TTN: variants seen among roughly 807,000 people sequenced by gnomAD.
TTN encodes the protein titin.
Under a neutral mutation model 3,223.0 loss-of-function variants are expected in TTN, and 1,525 were observed. The ratio of observed to expected loss-of-function variants is 0.47; its 90% confidence interval spans 0.45 to 0.49. The LOEUF (loss-of-function observed/expected upper bound fraction) is 0.49. TTN is among the 20% of genes least tolerant of loss of function. The probability of loss-of-function intolerance (pLI) is 0.00; values close to 1 mark genes in which losing one functional copy is unlikely to be tolerated. For synonymous variants in TTN, 14,094 were observed against 15,161.0 expected (o/e 0.93, Z 5.17); for missense variants, 40,786 against 43,424.0 (o/e 0.94, Z 5.40).
intron 47 of TTN, chr2:178,746,349 G>C (rs1177656493): frequency 6.2e-7 from 1 of 1,612,346 alleles, no homozygotes; most frequent in South Asian, 1.1e-5. Flanking sequence ...AAATTAAATG[G>C]AAGAACATCT....
At position 178,722,798 on chromosome 2, in the gene TTN, A is replaced by G. The variant is rs1411728289; in HGVS notation, c.22101T>C (p.Pro7367=). ...TGTTTGTAAAGTAGGTCCTGTATTC[A>G]GGAGTTGGCCGTAATTTGGTATCTC... ...YKGDTKLRPT[P]EYRTYFTNNV... The change falls in exon 76 of 363, where the codon CCT becomes CCC. Residue 7367 remains proline (P), a synonymous_variant. Coordinates refer to ENST00000589042, the MANE Select transcript of TTN (RefSeq NM_001267550.2). 1 of 1,613,370 alleles carries G rather than the reference A, an allele frequency of 6.2e-7. No individual in the cohort carries two copies. Among genetic ancestry groups the G allele is most frequent in the Non-Finnish European group, 8.5e-7 (1 of 1,179,564 alleles).
In TTN at chr2:178,611,201, A is replaced by G. The variant is rs746690194; in HGVS notation, c.50928T>C (p.Val16976=). 2.5e-6 allele frequency: 4 copies of G among 1,612,742 alleles called. No homozygotes were observed. Among genetic ancestry groups the G allele is most frequent in the Admixed American group, 3.3e-5 (2 of 59,918 alleles). Residue 16976 remains valine, a synonymous_variant, in exon 270 of 363, where the codon GTT becomes GTC. Transcript: ENST00000589042. ...VIEGEKLSIP[V]PFRAVPVPTV... ...TTGGAACTGGGACAGCTCTGAAGGG[A>G]ACAGGAATGCTTAACTTTTCACCTT...
In TTN at chr2:178,549,475, T is replaced by G; in HGVS notation, c.92153-2A>C. The stretch of plus-strand genomic sequence containing the variant: ...GAATGCCAGGGGCATCAGGAACAGC[T>G]GTAAAACAAAAACAAAACCCCAAAT... On this transcript the variant is annotated splice_acceptor_variant, in intron 338 of 362. Transcript: ENST00000589042. LOFTEE classifies it high-confidence loss of function. 6.3e-7 allele frequency: 1 copy of G among 1,598,640 alleles called. No individual in the cohort carries two copies. Among genetic ancestry groups the G allele is most frequent in the Non-Finnish European group, 8.5e-7 (1 of 1,170,944 alleles).
intron 127 of TTN, among the ~76,000 whole-genome samples, 158 bp downstream of exon 127, chr2:178,687,952 CT>C (rs1268474777): frequency 6.6e-6 from 1 of 152,160 alleles, no homozygotes; most frequent in Non-Finnish European, 1.5e-5. Flanking sequence ...CCTCCTGAAT[CT>C]TGTGTTTTGA....
At position 178,532,577 on chromosome 2, in the gene TTN, T is replaced by C; in HGVS notation, c.104038A>G (p.Arg34680Gly). The change falls in exon 358 of 363, where the codon AGG (arginine) becomes GGG (glycine). Residue 34680 changes from arginine (R) to glycine (G), a missense_variant. By Grantham distance (125) the Arg-to-Gly change is moderately radical. Coordinates refer to ENST00000589042, the MANE Select transcript of TTN (RefSeq NM_001267550.2). ...YLAMKRTEEERLRLEEELELG... is the reference protein window; with the variant it reads ...YLAMKRTEEEGLRLEEELELG... Reference sequence around the variant, plus strand: ...TCAAGCTCTTCTTCAAGACGCAGCCTCTCTTCCTCTGTTCTTTTCATTGCT... The same window carrying C: ...TCAAGCTCTTCTTCAAGACGCAGCCCCTCTTCCTCTGTTCTTTTCATTGCT... The C allele has an allele frequency of 6.2e-7, 1 of 1,613,968 alleles. No individual in the cohort carries two copies. Among genetic ancestry groups the C allele is most frequent in the Non-Finnish European group, 8.5e-7 (1 of 1,179,858 alleles).
Position 178,537,070 on chromosome 2 carries a change from A to G in TTN, c.100039T>C (p.Ser33347Pro), listed in dbSNP as rs1575319690. The G allele has an allele frequency of 1.9e-6, 3 of 1,613,144 alleles. No homozygotes were observed. Among genetic ancestry groups the G allele is most frequent in the Non-Finnish European group, 2.5e-6 (3 of 1,179,526 alleles). Residue 33347 changes from serine to proline, a missense_variant, in exon 356 of 363, where the codon TCA becomes CCA. Ser to Pro is a moderately conservative substitution (Grantham distance 74, BLOSUM62 -1). Transcript: ENST00000589042. Reference sequence around the variant, plus strand: ...TTCACAATTCTACAGGTTGTCACTGAGATGGCTGAAGACACCAATTGCCAT... The same window carrying G: ...TTCACAATTCTACAGGTTGTCACTGGGATGGCTGAAGACACCAATTGCCAT... ...AEWQLVSSAI[S>P]VTTCRIVNLT...
intron 127 of TTN, among the ~76,000 whole-genome samples, chr2:178,687,516 A>C (rs1467718658): frequency 6.6e-6 from 1 of 152,158 alleles, no homozygotes; most frequent in African/African-American, 2.4e-5. Flanking sequence ...TTATGTGTTC[A>C]GGGCTTCAGA....
chr2:178,578,310 T>C, intron 321 of TTN, 125 bp from the exon 322 acceptor site: 5 of 893,862 alleles, frequency 5.6e-6, no homozygotes, highest in Non-Finnish European at 8.2e-6. Context: ...CTAGTATCTA[T>C]ACTTTTATTA....
Position 178,592,773 on chromosome 2 carries a change from AC to A in TTN, c.59344+1del, listed in dbSNP as rs2050510052. The A allele has an allele frequency of 6.2e-7, 1 of 1,613,140 alleles. No homozygotes were observed. The highest frequency in any genetic ancestry group is 8.5e-7 in the Non-Finnish European group (1 of 1,179,572). Reference sequence around the variant, plus strand: ...AAACACAAGTGAGAGCATTTTACTCACCAAGCCTGTCTTTTACTAGGACTGG... The same window carrying A: ...AAACACAAGTGAGAGCATTTTACTCACAAGCCTGTCTTTTACTAGGACTGG... On this transcript the variant is annotated splice_donor_variant, in intron 300 of 362. Transcript: ENST00000589042. LOFTEE classifies it high-confidence loss of function.
Position 178,587,184 on chromosome 2 carries a change from C to G in TTN, c.64027G>C (p.Val21343Leu). Residue 21343 changes from valine (V) to leucine (L), a missense_variant, in exon 307 of 363, where the codon GTC becomes CTC. Transcript: ENST00000589042. ...GNEYYFRVTAVNEYGPGVPTD... is the reference protein window; with the variant it reads ...GNEYYFRVTALNEYGPGVPTD... ...GGGACGCCAGGGCCATATTCGTTGA[C>G]AGCAGTTACTCTGAAGTAATACTCA... 1.2e-6 allele frequency: 2 copies of G among 1,613,268 alleles called. No individual in the cohort carries two copies. The highest frequency in any genetic ancestry group is 8.5e-7 in the Non-Finnish European group (1 of 1,179,462).
At chr2:178,677,356 A>G in intron 146 of TTN, 69 bp from the exon 147 acceptor site, 1 of 492,048 alleles carries the variant, frequency 2.0e-6, no homozygotes, top group East Asian at 6.6e-5. Context: ...ATATATATAT[A>G]TATATGAAAG....
chr2:178,665,497 G>A (rs1207173582), intron 164 of TTN, 37 bp from the exon 165 acceptor site: 1 of 1,594,820 alleles, frequency 6.3e-7, no homozygotes, highest in South Asian at 1.1e-5. Flanking sequence ...GAGGTTAAAA[G>A]GATCAGTGGA....
In TTN at chr2:178,711,289, A is replaced by G; in HGVS notation, c.27947T>C (p.Leu9316Pro). ...TATGGCACAATCAAAAACAACTGGC[A>G]GTCCAACTGTTTCTTGAACATCTCT... ...QLRDVQETVG[L>P]PVVFDCAISG... Residue 9316 changes from leucine to proline, a missense_variant, in exon 97 of 363, where the codon CTG becomes CCG. Transcript: ENST00000589042. The G allele has an allele frequency of 6.2e-7, 1 of 1,613,582 alleles. No homozygotes were observed. The highest frequency in any genetic ancestry group is 8.5e-7 in the Non-Finnish European group (1 of 1,179,602).
intron 135 of TTN, 42 bp downstream of exon 135, chr2:178,682,655 C>A: frequency 6.6e-7 from 1 of 1,513,742 alleles, no homozygotes; most frequent in South Asian, 1.3e-5. Context: ...TTTGAGTGTG[C>A]ACATATTTAG....
At position 178,688,119 on chromosome 2, in the gene TTN, T is replaced by C. The variant is rs766018932; in HGVS notation, c.32303A>G (p.Glu10768Gly). 6.2e-7 allele frequency: 1 copy of C among 1,612,424 alleles called. No homozygotes were observed. Among genetic ancestry groups the C allele is most frequent in the South Asian group, 1.1e-5 (1 of 91,028 alleles). The part of the protein sequence containing the change: ...REEEEEAEVT[E>G]YEVMEEPEEY... ...TTATTTGCATTGTTTACCTTCATAT[T>C]CTGTAACCTCTGCTTCTTCCTCCTC... Residue 10768 changes from glutamate to glycine, a missense_variant, in exon 127 of 363, where the codon GAA becomes GGA. By Grantham distance (98) the Glu-to-Gly change is moderately conservative (BLOSUM62 -2). Coordinates refer to ENST00000589042, the MANE Select transcript of TTN (RefSeq NM_001267550.2).
In TTN at chr2:178,605,527, A is replaced by C. The variant is rs2054576322; in HGVS notation, c.53768T>G (p.Leu17923Arg). 7 of 1,612,450 alleles carry C rather than the reference A, an allele frequency of 4.3e-6. No individual in the cohort carries two copies. In the East Asian group the frequency reaches 1.6e-4, roughly 36 times the overall value. ...NKRLCPTTSFLVENLDEHQMY... is the reference protein window; with the variant it reads ...NKRLCPTTSFRVENLDEHQMY... ...TTGGTGTTCATCAAGATTTTCAACC[A>C]GAAAAGATGTGGTTGGGCAGAGTCG... Residue 17923 changes from leucine (L) to arginine (R), a missense_variant, in exon 279 of 363, where the codon CTG becomes CGG. Transcript: ENST00000589042.
In TTN at chr2:178,636,474, G is replaced by T. The variant is rs772643931; in HGVS notation, c.41253C>A (p.Ser13751=). The T allele has an allele frequency of 6.2e-7, 1 of 1,613,054 alleles. No individual in the cohort carries two copies. The highest frequency in any genetic ancestry group is 1.3e-5 in the African/African-American group (1 of 74,826). Residue 13751 remains serine (S), a synonymous_variant, in exon 225 of 363, where the codon TCC becomes TCA. Coordinates refer to ENST00000589042, the MANE Select transcript of TTN (RefSeq NM_001267550.2). The surrounding 1 kb of genome is among the most constrained non-coding windows in gnomAD (Gnocchi z 4.3). ...RKLHIIDVQL[S]DAGEYTCVLR... ...AAACACAGGTGTATTCACCAGCATC[G>T]GAAAGTTGAACATCAATGATGTGCA... is the stretch of plus-strand genomic sequence containing the variant.
At chr2:178,803,059 C>T (rs781026749) in intron 2 of TTN, among the ~76,000 whole-genome samples, 8 of 152,206 alleles carry the variant, frequency 5.3e-5, no homozygotes, top group Non-Finnish European at 1.2e-4. Context: ...TATATTAAAA[C>T]TCTGTACATT....
rs200968679 is a variant in TTN, at chr2:178,605,017, C to G, written c.54160G>C (p.Val18054Leu). ...TVTASNRLGSVFRNVHVEVYD... is the reference protein window; with the variant it reads ...TVTASNRLGSLFRNVHVEVYD... ...ACTTCAACGTGAACATTTCGGAACACTGAGCCAAGGCGATTGGAAGCAGTA... is the reference window on the plus strand; with the variant it reads ...ACTTCAACGTGAACATTTCGGAACAGTGAGCCAAGGCGATTGGAAGCAGTA... The change falls in exon 280 of 363, where the codon GTG becomes CTG. Residue 18054 changes from valine to leucine, a missense_variant. By Grantham distance (32) the Val-to-Leu change is conservative (BLOSUM62 1). Coordinates refer to ENST00000589042, the MANE Select transcript of TTN (RefSeq NM_001267550.2). 369 of 1,602,502 alleles carry G rather than the reference C, an allele frequency of 2.3e-4. No homozygotes were observed. The highest frequency in any genetic ancestry group is 2.9e-4 in the Non-Finnish European group (346 of 1,173,136).
Sources: gnomAD v4.1 joint callset for allele counts (sites outside exome capture counted in the v4.1 genomes callset) on GRCh38, gnomAD v4.1.1 for gene constraint, Gnocchi (gnomAD v3.1) non-coding constraint, MANE v1.5 for transcripts, NCBI Gene and HGNC (gene_info 2026-07-23, HGNC 2026-07-21) for gene names.